The following NR6A1 variants were observed in gnomAD, a reference collection of about 807,000 sequenced individuals.
The protein encoded by NR6A1 is nuclear receptor subfamily 6 group A member 1.
Under a neutral mutation model 59.1 loss-of-function variants are expected in NR6A1, and 7 were observed. The observed-to-expected ratio is 0.12, with a 90% CI of 0.07 to 0.22. The LOEUF is 0.22. Ranked by LOEUF, NR6A1 falls within the 10% of genes least tolerant of loss-of-function variation. The pLI, the probability that NR6A1 is intolerant of heterozygous loss-of-function variation, is 1.00. For missense variants in NR6A1, 468 were observed against 611.6 expected (o/e 0.77, Z 2.48); for synonymous variants, 243 against 236.1 (o/e 1.03, Z -0.27).
In NR6A1 at chr9:124,657,383, C is replaced by T. The variant is rs1009151068; in HGVS notation, c.142+75925G>A. Among the ~76,000 whole-genome samples the T allele has an allele frequency of 2.6e-5, 4 of 152,224 alleles. No homozygotes were observed. The East Asian group carries it at 7.7e-4, about 29-fold the overall frequency. On this transcript the variant is annotated intron_variant, in intron 2 of 9. Coordinates refer to ENST00000487099, the MANE Select transcript of NR6A1 (RefSeq NM_033334.4). ...CAGAACTATTGGTATGTTTAAGTAT[C>T]AATTTAGGACTCTATAAGCTAATTT...
At chr9:124,764,125 A>G (rs1000180585) in intron 1 of NR6A1, among the ~76,000 whole-genome samples, 1 of 151,844 alleles carries the variant, frequency 6.6e-6, no homozygotes, top group African/African-American at 2.4e-5. Context: ...CTGAGGTTGC[A>G]GTGAGCAGAG....
chr9:124,634,040 ATTAAG>A (rs1335327354), intron 2 of NR6A1, among the ~76,000 whole-genome samples: 9 of 152,262 alleles, frequency 5.9e-5, no homozygotes, highest in African/African-American at 1.9e-4. Context: ...TTTGGAATGA[ATTAAG>A]TTGATTATTC....
At chr9:124,654,637 C>T (rs754321067) in intron 2 of NR6A1, among the ~76,000 whole-genome samples, 1 of 152,096 alleles carries the variant, frequency 6.6e-6, no homozygotes, top group Non-Finnish European at 1.5e-5. Context: ...CTCAGAGAGG[C>T]ATAGCCCGAT....
At chr9:124,720,347 G>T (rs1192611693) in intron 2 of NR6A1, among the ~76,000 whole-genome samples, 1 of 152,068 alleles carries the variant, frequency 6.6e-6, no homozygotes, top group African/African-American at 2.4e-5. Flanking sequence ...CACCACGCCC[G>T]GCCATCTTGA....
rs576092731 is a variant in NR6A1, at chr9:124,532,524, G to A, written c.1079+3354C>T. ...ATAGGGACTCTGAGTCAGAAACCAT[G>A]TCTGCATCACCTGTGATCCCAGCTT... On this transcript the variant is annotated intron_variant, in intron 7 of 9. Transcript: ENST00000487099. Among the ~76,000 whole-genome samples, 2 of 152,280 alleles carry A rather than the reference G, an allele frequency of 1.3e-5. 1 individual carries two copies. Among genetic ancestry groups the A allele is most frequent in the African/African-American group, 4.8e-5 (2 of 41,550 alleles).
chr9:124,603,599 G>C (rs535471866), intron 2 of NR6A1, among the ~76,000 whole-genome samples: 2 of 152,054 alleles, frequency 1.3e-5, no homozygotes, highest in Non-Finnish European at 2.9e-5. Context: ...TGTTGCTGAC[G>C]ATCTTTTGAT....
chr9:124,615,552 C>A (rs558063765), intron 2 of NR6A1, among the ~76,000 whole-genome samples: 1 of 152,194 alleles, frequency 6.6e-6, no homozygotes, highest in Admixed American at 6.5e-5. Flanking sequence ...TCCTAATTAT[C>A]CCAACCTTCC....
intron 2 of NR6A1, chr9:124,599,118 C>T: frequency 2.9e-6 from 2 of 678,006 alleles, no homozygotes; most frequent in Non-Finnish European, 5.5e-6. Flanking sequence ...CGGTTCTCTG[C>T]GGCAAATCAC....
intron 2 of NR6A1, among the ~76,000 whole-genome samples, chr9:124,652,476 T>C (rs1837134837): frequency 6.6e-6 from 1 of 152,180 alleles, no homozygotes; most frequent in Admixed American, 6.5e-5. Flanking sequence ...ACAGCACTGT[T>C]ATGAGAATTA....
intron 1 of NR6A1, among the ~76,000 whole-genome samples, chr9:124,737,820 A>G (rs528321263): frequency 1.3e-5 from 2 of 152,198 alleles, no homozygotes; most frequent in East Asian, 1.9e-4. Context: ...AGCCGAGATT[A>G]TGCCACTGCA....
At chr9:124,628,491 A>G (rs1234278745) in intron 2 of NR6A1, among the ~76,000 whole-genome samples, 1 of 152,130 alleles carries the variant, frequency 6.6e-6, no homozygotes, top group African/African-American at 2.4e-5. Flanking sequence ...CTTCAGGCAC[A>G]TACTACCACA....
At chr9:124,603,135 T>G (rs1835490887) in intron 2 of NR6A1, among the ~76,000 whole-genome samples, 1 of 152,222 alleles carries the variant, frequency 6.6e-6, no homozygotes, top group Non-Finnish European at 1.5e-5. Context: ...TAAAATATAC[T>G]ACGACATTAC....
chr9:124,716,939 A>C (rs1839429794), intron 2 of NR6A1, among the ~76,000 whole-genome samples: 1 of 152,218 alleles, frequency 6.6e-6, no homozygotes, highest in African/African-American at 2.4e-5. Flanking sequence ...ACTCAGCCAC[A>C]TGAATTTACC....
intron 1 of NR6A1, among the ~76,000 whole-genome samples, chr9:124,735,794 T>C (rs943802272): frequency 6.6e-6 from 1 of 152,184 alleles, no homozygotes; most frequent in Non-Finnish European, 1.5e-5. Context: ...AAGATGCTGG[T>C]AGATTTGGTG....
At chr9:124,525,559 G>C (rs539156278) in intron 8 of NR6A1, among the ~76,000 whole-genome samples, 1 of 151,928 alleles carries the variant, frequency 6.6e-6, no homozygotes. Context: ...GTCTCACTAC[G>C]TTGCTTGGGT....
At chr9:124,582,917 G>T (rs1452877287) in intron 2 of NR6A1, among the ~76,000 whole-genome samples, 2 of 152,154 alleles carry the variant, frequency 1.3e-5, no homozygotes, top group Non-Finnish European at 2.9e-5. Flanking sequence ...CATCACTGTG[G>T]AGGTGGTTAC....
chr9:124,643,019 CTT>C (rs949567949), intron 2 of NR6A1, among the ~76,000 whole-genome samples: 1 of 127,610 alleles, frequency 7.8e-6, no homozygotes, highest in African/African-American at 2.9e-5. Context: ...CTTCATGTCT[CTT>C]GAGCTTTTTA....
chr9:124,593,608 A>T (rs1392967606), intron 2 of NR6A1, among the ~76,000 whole-genome samples: 2 of 152,234 alleles, frequency 1.3e-5, no homozygotes, highest in Non-Finnish European at 2.9e-5. Context: ...TTGCAAGTTG[A>T]GGAATGAGAA....
intron 2 of NR6A1, among the ~76,000 whole-genome samples, chr9:124,630,898 C>G (rs899537156): frequency 4.0e-5 from 6 of 151,758 alleles, no homozygotes; most frequent in Admixed American, 1.3e-4. Flanking sequence ...GGCTCGAACT[C>G]CTGACCTCAG....
Sources: gnomAD v4.1 joint callset for allele counts (sites outside exome capture counted in the v4.1 genomes callset) on GRCh38, gnomAD v4.1.1 for gene constraint, MANE v1.5 for transcripts, NCBI Gene and HGNC (gene_info 2026-07-23, HGNC 2026-07-21) for gene names.